Variants in FAAH2 observed in about 807,000 individuals in gnomAD.
The protein encoded by FAAH2 is fatty-acid amide hydrolase 2.
In FAAH2, 60 loss-of-function variants were observed where a neutral mutation model predicts 36.9. That is an observed-to-expected ratio of 1.63 (90% CI 1.32 to 2.02). The LOEUF (loss-of-function observed/expected upper bound fraction) is 2.02. FAAH2 is among the 30% of genes most tolerant of loss of function. The pLI, the probability that FAAH2 is intolerant of heterozygous loss-of-function variation, is 0.00. For synonymous variants in FAAH2, 214 were observed against 143.8 expected (o/e 1.49, Z -3.49); for missense variants, 689 against 397.5 (o/e 1.73, Z -6.23).
At chrX:57,477,819 T>A (rs925884726) in intron 10 of FAAH2, among the ~76,000 whole-genome samples, 2 of 111,608 alleles carry the variant, frequency 1.8e-5, no homozygotes, top group African/African-American at 6.5e-5. Flanking sequence ...GGACATGAAC[T>A]CATCCTTTTG....
the FAAH2 span, among the ~76,000 whole-genome samples, chrX:57,237,563 A>G: frequency 5.4e-5 from 6 of 110,725 alleles, no homozygotes; most frequent in African/African-American, 2.0e-4. Context: ...CTATTCTGAC[A>G]CCTCTCTATC....
At chrX:57,365,750 T>C (rs892680906) in intron 5 of FAAH2, among the ~76,000 whole-genome samples, 1 of 112,074 alleles carries the variant, frequency 8.9e-6, no homozygotes, top group Non-Finnish European at 1.9e-5. Flanking sequence ...CTTTTGTTCA[T>C]TTTTTCTCTA....
chrX:57,229,797 G>A, the FAAH2 span, among the ~76,000 whole-genome samples: 1 of 111,536 alleles, frequency 9.0e-6, no homozygotes, highest in South Asian at 3.8e-4. Flanking sequence ...ATCATCTAAT[G>A]AGTACCAGAT....
intron 9 of FAAH2, among the ~76,000 whole-genome samples, 199 bp downstream of exon 9, chrX:57,447,238 T>A (rs1425932938): frequency 8.9e-6 from 1 of 111,787 alleles, no homozygotes; most frequent in African/African-American, 3.3e-5. Flanking sequence ...GTTCTCATGG[T>A]CTTGGGCAGC....
At chrX:57,420,104 C>T (rs767567764) in intron 7 of FAAH2, among the ~76,000 whole-genome samples, 4 of 111,910 alleles carry the variant, frequency 3.6e-5, no homozygotes, top group South Asian at 7.4e-4. Context: ...CAGTACCATG[C>T]TGTTTTGGTT....
At chrX:57,201,053 G>GTTTTTT in the FAAH2 span, among the ~76,000 whole-genome samples, 1 of 96,543 alleles carries the variant, frequency 1.0e-5, no homozygotes, top group Non-Finnish European at 2.1e-5. Flanking sequence ...TAGGGTAAAA[G>GTTTTTT]TTTTTTTTTT....
the FAAH2 span, among the ~76,000 whole-genome samples, chrX:57,267,321 G>C: frequency 1.8e-5 from 2 of 112,872 alleles, no homozygotes; most frequent in Admixed American, 1.9e-4. Flanking sequence ...GCCTTGGCTG[G>C]CACAGAGCCA....
At chrX:57,340,868 G>C (rs1047063335) in intron 4 of FAAH2, among the ~76,000 whole-genome samples, 1 of 110,842 alleles carries the variant, frequency 9.0e-6, no homozygotes, top group Non-Finnish European at 1.9e-5. Flanking sequence ...TAGGTGATGT[G>C]TTGATCTGTG....
At chrX:57,459,803 A>C (rs1262414956) in intron 10 of FAAH2, among the ~76,000 whole-genome samples, 1 of 111,920 alleles carries the variant, frequency 8.9e-6, no homozygotes, top group Non-Finnish European at 1.9e-5. Flanking sequence ...CAACATCAAC[A>C]TCAGCATAAA....
At chrX:57,422,392 G>T (rs757366995) in intron 7 of FAAH2, among the ~76,000 whole-genome samples, 33 of 112,117 alleles carry the variant, frequency 2.9e-4, no homozygotes, top group African/African-American at 1.0e-3. Flanking sequence ...CTAGATAGGA[G>T]CAGTTTTAGT....
At chrX:57,283,242 T>A, upstream of FAAH2, among the ~76,000 whole-genome samples, 1 of 111,454 alleles carries the variant, frequency 9.0e-6, no homozygotes, top group East Asian at 2.8e-4. Context: ...ACCATTGCAG[T>A]GGCAGGGGCA....
At chrX:57,161,572 A>T in the FAAH2 span, among the ~76,000 whole-genome samples, 1 of 111,307 alleles carries the variant, frequency 9.0e-6, no homozygotes, top group African/African-American at 3.3e-5. Flanking sequence ...TATTTAGGAG[A>T]GCTAGCTCTT....
chrX:57,269,122 G>C, the FAAH2 span, among the ~76,000 whole-genome samples: 1 of 111,382 alleles, frequency 9.0e-6, no homozygotes, highest in African/African-American at 3.3e-5. Flanking sequence ...CATCAAAAAG[G>C]ACACAGAAAA....
At position 57,447,043 on chromosome X, in the gene FAAH2, T is replaced by C. The variant is rs368428481; in HGVS notation, c.1228+4T>C. ...GTGTACACCATCCCTTCCATTGGTA[T>C]GTAAATCATATTCTACCTAGACCAG... On this transcript the variant is annotated splice_donor_region_variant and intron_variant, in intron 9 of 10. Coordinates refer to ENST00000374900, the MANE Select transcript of FAAH2 (RefSeq NM_174912.4). 2.6e-6 allele frequency: 3 copies of C among 1,146,273 alleles called. No homozygotes were observed. The highest frequency in any genetic ancestry group is 1.9e-5 in the South Asian group (1 of 51,989). 94.5% of individuals were successfully genotyped at this position (1,146,273 alleles called of 1,213,427 possible). A position where few individuals can be genotyped will look rare whatever the true frequency, so the allele number is the denominator to read the frequency against.
At chrX:57,455,200 C>A (rs1478389123) in intron 10 of FAAH2, among the ~76,000 whole-genome samples, 1 of 111,361 alleles carries the variant, frequency 9.0e-6, no homozygotes, top group African/African-American at 3.3e-5. Flanking sequence ...TTCCATGAAA[C>A]TAAACTTCAT....
intron 10 of FAAH2, chrX:57,452,044 T>C (rs1157101911): frequency 3.2e-6 from 1 of 307,973 alleles, no homozygotes; most frequent in Non-Finnish European, 4.3e-6. Flanking sequence ...GTCATAATAA[T>C]TGGGAGAGGT....
intron 3 of FAAH2, among the ~76,000 whole-genome samples, chrX:57,328,344 A>G (rs939901597): frequency 5.4e-5 from 6 of 111,512 alleles, no homozygotes; most frequent in Admixed American, 2.9e-4. Flanking sequence ...GTGCTGGGAG[A>G]ACCACTATGC....
intron 4 of FAAH2, among the ~76,000 whole-genome samples, chrX:57,333,678 G>A (rs2053468164): frequency 9.0e-6 from 1 of 111,073 alleles, no homozygotes; most frequent in Admixed American, 9.6e-5. Flanking sequence ...GAAACCTTCG[G>A]TGATGTGGAA....
At chrX:57,355,563 G>T (rs2054138479) in intron 5 of FAAH2, among the ~76,000 whole-genome samples, 1 of 110,111 alleles carries the variant, frequency 9.1e-6, no homozygotes, top group East Asian at 2.8e-4. Context: ...ATTGTGAATG[G>T]GATTGCTTTC....
Sources: gnomAD v4.1 joint callset for allele counts (sites outside exome capture counted in the v4.1 genomes callset) on GRCh38, gnomAD v4.1.1 for gene constraint, MANE v1.5 for transcripts, NCBI Gene and HGNC (gene_info 2026-07-23, HGNC 2026-07-21) for gene names.